Variants in NELFA observed in about 807,000 individuals in gnomAD.
The protein encoded by NELFA is negative elongation factor complex member A.
NELFA carries 35 observed loss-of-function variants against 51.8 expected under a neutral mutation model. The observed-to-expected ratio is 0.68, with a 90% confidence interval of 0.52 to 0.90. The LOEUF (loss-of-function observed/expected upper bound fraction) is 0.90, where lower values mean the gene tolerates loss of function less well. Ranked by LOEUF, NELFA falls within the 40% of genes least tolerant of loss-of-function variation. The pLI is 0.00. For synonymous variants in NELFA, 417 were observed against 338.4 expected (o/e 1.23, Z -2.55); for missense variants, 658 against 746.4 (o/e 0.88, Z 1.38).
rs527992923 is a variant in NELFA, at chr4:1,984,767, A to C, written c.1036+41T>G. ...CCCGTGGGCAAGGTCATGTCCTGGC[A>C]GGCAGCTTGGCTGGTTCCAGGCTGG... On this transcript the variant is annotated intron_variant, in intron 8 of 10. Coordinates refer to ENST00000382882, the MANE Select transcript of NELFA (RefSeq NM_005663.5). The C allele has an allele frequency of 6.9e-6, 10 of 1,453,308 alleles. No individual in the cohort carries two copies. The South Asian group carries it at 1.2e-4, about 18-fold the overall frequency. 90.0% of individuals were successfully genotyped at this position (1,453,308 alleles called of 1,614,324 possible). A position where few individuals can be genotyped will look rare whatever the true frequency, so the allele number is the denominator to read the frequency against.
intron 1 of NELFA, among the ~76,000 whole-genome samples, chr4:2,001,708 G>A (rs1440314847): frequency 1.3e-5 from 2 of 151,880 alleles, no homozygotes; most frequent in African/African-American, 2.4e-5. Flanking sequence ...TTTGAGACCA[G>A]CCTGGCCAAC....
chr4:2,008,117 T>C (rs1577634410), intron 1 of NELFA: 1 of 441,954 alleles, frequency 2.3e-6, no homozygotes, highest in African/African-American at 2.0e-5. Flanking sequence ...CGCCCCTTCC[T>C]CACGCGGGGG....
At chr4:1,991,481 A>G in intron 2 of NELFA, 63 bp downstream of exon 2, 2 of 1,572,982 alleles carry the variant, frequency 1.3e-6, no homozygotes, top group Non-Finnish European at 1.7e-6. Flanking sequence ...CATTTCAGAA[A>G]AAAATTTTTC....
chr4:2,007,514 C>T lies in NELFA; in HGVS notation c.210+1236G>A, dbSNP rs148922163. Among the ~76,000 whole-genome samples, 454 of 152,322 alleles carry T rather than the reference C, an allele frequency of 3.0e-3. 3 individuals are homozygous for T. The highest frequency in any genetic ancestry group is 5.4e-3 in the South Asian group (26 of 4,828). ...GGCGTCGACCAAAAAGACACATGCA[C>T]GCCACACACAAAATACACTATGATA... is the stretch of plus-strand genomic sequence containing the variant. On this transcript the variant is annotated intron_variant, in intron 1 of 10. Coordinates refer to ENST00000382882, the MANE Select transcript of NELFA (RefSeq NM_005663.5).
intron 7 of NELFA, 145 bp downstream of exon 7, chr4:1,985,631 A>C (rs1361117535): frequency 1.6e-6 from 1 of 643,596 alleles, no homozygotes; most frequent in African/African-American, 1.8e-5. Context: ...TCTCATGTAC[A>C]TATACGTATA....
chr4:1,996,388 T>C (rs1026778769), intron 1 of NELFA, among the ~76,000 whole-genome samples: 9 of 152,206 alleles, frequency 5.9e-5, no homozygotes, highest in Non-Finnish European at 1.3e-4. Context: ...TAGAAGAGAA[T>C]TTATGGACAT....
Position 1,984,870 on chromosome 4 carries a change from A to C in NELFA, c.974T>G (p.Leu325Arg), listed in dbSNP as rs1056086295. Residue 325 changes from leucine to arginine, a missense_variant, in exon 8 of 11, where the codon CTT becomes CGT. This residue lies in a region of NELFA where 200 missense variants were observed against 167.9 expected (regional missense o/e 1.19). Coordinates refer to ENST00000382882, the MANE Select transcript of NELFA (RefSeq NM_005663.5). ...NEPALPSTSYLPSTPSVVPAS... is the reference protein window; with the variant it reads ...NEPALPSTSYRPSTPSVVPAS... ...GGGAACCACGCTGGGCGTGGAGGGA[A>C]GGTAGCTCGTGGAGGGCAGCGCAGG... 1 of 1,581,866 alleles carries C rather than the reference A, an allele frequency of 6.3e-7. No homozygotes were observed. The highest frequency in any genetic ancestry group is 1.2e-5 in the South Asian group (1 of 85,880).
chr4:1,984,985 C>T (rs1380610762), intron 7 of NELFA, 66 bp from the exon 8 acceptor site: 2 of 1,211,456 alleles, frequency 1.7e-6, no homozygotes, highest in African/African-American at 3.0e-5. Flanking sequence ...TAACACATGG[C>T]CCGACCCGGA....
chr4:1,993,016 C>T (rs1021237103), intron 1 of NELFA, among the ~76,000 whole-genome samples: 2 of 152,212 alleles, frequency 1.3e-5, no homozygotes, highest in Non-Finnish European at 2.9e-5. Flanking sequence ...GCAGAAGATG[C>T]TACGTGGCTG....
At chr4:1,991,396 G>A (rs2109059620) in intron 2 of NELFA, 148 bp downstream of exon 2, 3 of 769,216 alleles carry the variant, frequency 3.9e-6, no homozygotes, top group Non-Finnish European at 6.1e-6. Context: ...GCTTACGGGG[G>A]AGGATGGTGC....
Position 1,986,203 on chromosome 4 carries a change from C to T in NELFA, c.766-20G>A, listed in dbSNP as rs1189630717. ...CAGCAGCTGCCAAGACAAGCACAGC[C>T]CTGCCTTAGTGACGGCACCAGGGCG... On this transcript the variant is annotated intron_variant, in intron 5 of 10. Coordinates refer to ENST00000382882, the MANE Select transcript of NELFA (RefSeq NM_005663.5). 1.9e-6 allele frequency: 3 copies of T among 1,560,510 alleles called. No individual in the cohort carries two copies. Among genetic ancestry groups the T allele is most frequent in the Non-Finnish European group, 2.6e-6 (3 of 1,152,070 alleles).
Position 1,989,780 on chromosome 4 carries a change from G to T in NELFA, c.472C>A (p.Pro158Thr). 1 of 1,614,222 alleles carries T rather than the reference G, an allele frequency of 6.2e-7. No individual in the cohort carries two copies. The highest frequency in any genetic ancestry group is 8.5e-7 in the Non-Finnish European group (1 of 1,180,046). ...TTTAACTGAAAATGCTTCACCGGGG[G>T]AGTGAGGGGTCCCGCGAGGGTCGTC... ...ALTTLAGPLT[P>T]PVKHFQLKRK... Residue 158 changes from proline (P) to threonine (T), a missense_variant, in exon 3 of 11, where the codon CCC becomes ACC. By Grantham distance (38) the Pro-to-Thr change is conservative (BLOSUM62 -1). Transcript: ENST00000382882. This position sits in a 1 kb window ranked among gnomAD's most constrained non-coding sequence, Gnocchi z 4.8.
At chr4:2,006,737 C>G (rs1003578219) in intron 1 of NELFA, among the ~76,000 whole-genome samples, 1 of 128,196 alleles carries the variant, frequency 7.8e-6, no homozygotes, top group Non-Finnish European at 1.6e-5. Flanking sequence ...CCACTAGACT[C>G]TAGCCTGGGT....
intron 1 of NELFA, chr4:2,007,328 A>C (rs1728734763): frequency 5.4e-6 from 1 of 183,962 alleles, no homozygotes; most frequent in Non-Finnish European, 1.2e-5. Context: ...AAACACCTGA[A>C]CATATGACCG....
intron 1 of NELFA, among the ~76,000 whole-genome samples, chr4:2,002,153 T>C (rs919775429): frequency 3.3e-5 from 5 of 151,530 alleles, no homozygotes; most frequent in African/African-American, 1.2e-4. Flanking sequence ...TGAGCCAAGA[T>C]CGCGCCACTG....
chr4:1,997,678 G>A (rs1333797486), intron 1 of NELFA, among the ~76,000 whole-genome samples: 1 of 152,234 alleles, frequency 6.6e-6, no homozygotes, highest in Non-Finnish European at 1.5e-5. Context: ...AGCCACTATG[G>A]AAAATAGTTT....
Position 1,984,951 on chromosome 4 carries a change from A to G in NELFA, c.925-32T>C, listed in dbSNP as rs1194129161. The G allele has an allele frequency of 2.0e-5, 30 of 1,488,228 alleles. No homozygotes were observed. The East Asian group carries it at 7.2e-4, about 36-fold the overall frequency. The allele number at this position is 1,488,228 out of a possible 1,614,324, so 92.2% of individuals were successfully genotyped here. A position where few individuals can be genotyped will look rare whatever the true frequency, so the allele number is the denominator to read the frequency against. On this transcript the variant is annotated intron_variant, in intron 7 of 10. Transcript: ENST00000382882. ...CACAGAGTTTAAGGTTCCTTCCAGAAGAGGCCATGCTTCCGGCATGTGCTA... is the reference window on the plus strand; with the variant it reads ...CACAGAGTTTAAGGTTCCTTCCAGAGGAGGCCATGCTTCCGGCATGTGCTA...
At chr4:2,006,456 G>A (rs1385920103) in intron 1 of NELFA, among the ~76,000 whole-genome samples, 1 of 152,214 alleles carries the variant, frequency 6.6e-6, no homozygotes, top group East Asian at 1.9e-4. Context: ...TTAAAACTAG[G>A]AGCTTCTATT....
chr4:1,988,655 G>A (rs557927305), intron 3 of NELFA, among the ~76,000 whole-genome samples: 1 of 152,352 alleles, frequency 6.6e-6, no homozygotes, highest in East Asian at 1.9e-4. Flanking sequence ...TCTGGAAACG[G>A]GGTATTGATG....
Sources: gnomAD v4.1 joint callset for allele counts (sites outside exome capture counted in the v4.1 genomes callset) on GRCh38, gnomAD v4.1.1 for gene constraint, gnomAD v4.1.1 regional missense constraint, Gnocchi (gnomAD v3.1) non-coding constraint, MANE v1.5 for transcripts, NCBI Gene and HGNC (gene_info 2026-07-23, HGNC 2026-07-21) for gene names.